The following JPH3 variants were observed in gnomAD, a reference collection of about 807,000 sequenced individuals.
The protein encoded by JPH3 is junctophilin 3, also known as junctophilin-3.
JPH3 carries 11 observed loss-of-function variants against 59.6 expected under a neutral mutation model. The ratio of observed to expected loss-of-function variants is 0.18; its 90% CI spans 0.12 to 0.31. The LOEUF (loss-of-function observed/expected upper bound fraction) is 0.31. Ranked by LOEUF, JPH3 falls within the 10% of genes least tolerant of loss-of-function variation. The probability of loss-of-function intolerance (pLI) is 1.00; values close to 1 mark genes in which losing one functional copy is unlikely to be tolerated. For missense variants in JPH3, 1,202 were observed against 1,105.7 expected, an observed-to-expected ratio of 1.09 and a Z score of -1.24; for synonymous variants, 673 against 483.6, an observed-to-expected ratio of 1.39 and a Z score of -5.14.
chr16:87,657,996 C>A (rs1472361980), intron 2 of JPH3, among the ~76,000 whole-genome samples: 1 of 152,176 alleles, frequency 6.6e-6, no homozygotes. Flanking sequence ...CATAAATGTC[C>A]CCTCTGCAGC....
intron 1 of JPH3, among the ~76,000 whole-genome samples, chr16:87,615,009 C>T (rs1340231959): frequency 6.8e-6 from 1 of 146,022 alleles, no homozygotes; most frequent in Non-Finnish European, 1.5e-5. Flanking sequence ...AAACGCTGGT[C>T]CCTGCACACA....
At chr16:87,663,494 T>G (rs771487856) in intron 2 of JPH3, among the ~76,000 whole-genome samples, 1 of 152,214 alleles carries the variant, frequency 6.6e-6, no homozygotes, top group Non-Finnish European at 1.5e-5. Context: ...ATGATTGATA[T>G]ATCAGGGAAC....
intron 1 of JPH3, among the ~76,000 whole-genome samples, chr16:87,639,445 AACCT>A (rs1487179526): frequency 1.3e-5 from 2 of 152,062 alleles, no homozygotes; most frequent in African/African-American, 4.8e-5. Context: ...AAATACACAT[AACCT>A]ACAGTGTCCC....
chr16:87,653,367 A>G (rs913774106), intron 2 of JPH3, among the ~76,000 whole-genome samples: 1 of 152,068 alleles, frequency 6.6e-6, no homozygotes, highest in African/African-American at 2.4e-5. Flanking sequence ...TGCTGGCTGC[A>G]GGGTTCTCCA....
In JPH3 at chr16:87,695,809, T is replaced by C. The variant is rs113987537; in HGVS notation, c.2167-771T>C. ...AGAAGGGCGCCCCCGGAAAAGGCTC[T>C]GTTGTGAGACGTGTCCTACCTGGCC... On this transcript the variant is annotated intron_variant, in intron 4 of 4. Transcript: ENST00000284262. 428 of 455,966 alleles carry C rather than the reference T, an allele frequency of 9.4e-4. 13 individuals carry two copies. The highest frequency in any genetic ancestry group is 6.2e-3 in the South Asian group (400 of 64,558). 28.2% of individuals were successfully genotyped at this position (455,966 alleles called of 1,614,324 possible). A position where few individuals can be genotyped will look rare whatever the true frequency, so the allele number is the denominator to read the frequency against.
At chr16:87,629,419 TG>T (rs972462457) in intron 1 of JPH3, among the ~76,000 whole-genome samples, 1 of 145,404 alleles carries the variant, frequency 6.9e-6, no homozygotes, top group East Asian at 2.0e-4. Context: ...CCCATCTTTG[TG>T]GGTTTTTTTT....
At chr16:87,635,949 T>C (rs1447992862) in intron 1 of JPH3, among the ~76,000 whole-genome samples, 1 of 152,154 alleles carries the variant, frequency 6.6e-6, no homozygotes, top group East Asian at 1.9e-4. Flanking sequence ...TCCTCTGGGG[T>C]GTCTTCCGGG....
intron 2 of JPH3, among the ~76,000 whole-genome samples, chr16:87,651,953 T>C (rs990266168): frequency 1.1e-4 from 17 of 151,976 alleles, no homozygotes; most frequent in African/African-American, 4.1e-4. Context: ...AGTTCATTGA[T>C]GCAGCCAACA....
chr16:87,614,885 C>T (rs1402674145), intron 1 of JPH3, among the ~76,000 whole-genome samples: 1 of 116,478 alleles, frequency 8.6e-6, no homozygotes, highest in African/African-American at 3.5e-5. Context: ...AGGAGCCGCG[C>T]GTCCCCTCCC....
In JPH3 at chr16:87,604,264, CG is replaced by C. The variant is rs1567578073; in HGVS notation, c.382+740del. 2.7e-6 allele frequency: 4 copies of C among 1,459,812 alleles called. No homozygotes were observed. In the Admixed American group the frequency reaches 6.2e-5, roughly 23 times the overall value. The allele number at this position is 1,459,812 out of a possible 1,614,324, so 90.4% of individuals were successfully genotyped here. On this transcript the variant is annotated intron_variant, in intron 1 of 4. Transcript: ENST00000284262. Reference sequence around the variant, plus strand: ...GATGCCACCGCATTCGGGGCAGAGCCGGGGCCGGAAGCCAGGGAGCTGCCTG... The same window carrying C: ...GATGCCACCGCATTCGGGGCAGAGCCGGGCCGGAAGCCAGGGAGCTGCCTG...
At chr16:87,656,577 C>T (rs936725503) in intron 2 of JPH3, among the ~76,000 whole-genome samples, 2 of 152,184 alleles carry the variant, frequency 1.3e-5, no homozygotes, top group African/African-American at 4.8e-5. Flanking sequence ...GGGGCAACAC[C>T]CTGAATAAAT....
At chr16:87,675,959 A>AT (rs2033133025) in intron 2 of JPH3, among the ~76,000 whole-genome samples, 1 of 152,258 alleles carries the variant, frequency 6.6e-6, no homozygotes, top group Admixed American at 6.5e-5. Flanking sequence ...CAACAACAGC[A>AT]AGAAGAAAGC....
intron 2 of JPH3, among the ~76,000 whole-genome samples, chr16:87,660,481 C>T (rs1280335132): frequency 2.0e-5 from 3 of 152,164 alleles, no homozygotes; most frequent in African/African-American, 7.2e-5. Context: ...TCCCCTTTTG[C>T]CCACCCCCAC....
At chr16:87,631,089 C>G (rs987150110) in intron 1 of JPH3, among the ~76,000 whole-genome samples, 2 of 152,150 alleles carry the variant, frequency 1.3e-5, no homozygotes, top group Admixed American at 1.3e-4. Context: ...AAACACCTCT[C>G]AAATGCAGCT....
intron 4 of JPH3, chr16:87,693,689 A>C (rs2033676190): frequency 6.6e-6 from 1 of 152,372 alleles, no homozygotes; most frequent in Non-Finnish European, 1.5e-5. Flanking sequence ...AAGTTTCTCA[A>C]GCCAGTGTCT....
At chr16:87,643,850 A>G (rs56390137) in intron 1 of JPH3, among the ~76,000 whole-genome samples, 32,739 of 152,042 alleles carry the variant, frequency 0.22, 3,657 homozygotes, top group East Asian at 0.34. Context: ...TTTCATCAAG[A>G]TAGCACACCA....
intron 2 of JPH3, among the ~76,000 whole-genome samples, chr16:87,646,433 G>A (rs1483908197): frequency 6.6e-6 from 1 of 152,184 alleles, no homozygotes; most frequent in Non-Finnish European, 1.5e-5. Context: ...AAATGTTCAG[G>A]CAGGGAAATA....
At chr16:87,602,444 C>T (rs1210077494), upstream of JPH3, among the ~76,000 whole-genome samples, 2 of 1,124 alleles carry the variant, frequency 1.8e-3, no homozygotes, top group Non-Finnish European at 3.2e-3. Context: ...GGGCGGGGGG[C>T]GGGGGGCGGG....
At chr16:87,636,833 G>A (rs1195307867) in intron 1 of JPH3, among the ~76,000 whole-genome samples, 1 of 152,250 alleles carries the variant, frequency 6.6e-6, no homozygotes, top group Non-Finnish European at 1.5e-5. Context: ...ACCTAGAGGT[G>A]GGTGCGATTG....
Sources: allele counts gnomAD v4.1 joint callset (sites outside exome capture counted in the v4.1 genomes callset), GRCh38; gene constraint gnomAD v4.1.1; transcripts MANE v1.5; gene names NCBI Gene and HGNC (gene_info 2026-07-23, HGNC 2026-07-21).